SGMS2: variants seen among roughly 807,000 people sequenced by gnomAD.
The protein encoded by SGMS2 is phosphatidylcholine:ceramide cholinephosphotransferase 2.
A neutral mutation model predicts 43.8 loss-of-function variants in SGMS2; 21 were observed. That is an observed-to-expected ratio of 0.48 (90% CI 0.34 to 0.69). SGMS2 has a LOEUF of 0.69. Ranked by LOEUF, SGMS2 falls within the 30% of genes least tolerant of loss-of-function variation. SGMS2 has a pLI of 0.01. For missense variants in SGMS2, 384 were observed against 443.2 expected (o/e 0.87, Z 1.20); for synonymous variants, 167 against 160.6 (o/e 1.04, Z -0.30).
chr4:107,882,160 T>C (rs1335749683), intron 2 of SGMS2, among the ~76,000 whole-genome samples: 3 of 152,184 alleles, frequency 2.0e-5, no homozygotes, highest in Admixed American at 2.0e-4. Flanking sequence ...GGTAGTTCTA[T>C]TTTTAGTTTT....
At position 107,856,416 on chromosome 4, in the gene SGMS2, A is replaced by G. The variant is rs561107982; in HGVS notation, c.-326-2056A>G. 2.0e-5 allele frequency among the ~76,000 whole-genome samples: 3 copies of G among 152,312 alleles called. No individual in the cohort carries two copies. The East Asian group carries it at 5.8e-4, about 29-fold the overall frequency. On this transcript the variant is annotated intron_variant, in intron 1 of 6. Coordinates refer to ENST00000690982, the MANE Select transcript of SGMS2 (RefSeq NM_001375905.1). ...AAGGGCACACATTTTCAGCTTGACT[A>G]GATGAAAAGTGCTAGGTTTGGCTAC...
chr4:107,840,629 T>A (rs1447762834), intron 1 of SGMS2, among the ~76,000 whole-genome samples: 2 of 152,198 alleles, frequency 1.3e-5, no homozygotes, highest in Non-Finnish European at 1.5e-5. Flanking sequence ...ATCTTGCATT[T>A]AAAAATATTC....
At chr4:107,862,432 A>C (rs1727789528) in intron 2 of SGMS2, among the ~76,000 whole-genome samples, 1 of 152,232 alleles carries the variant, frequency 6.6e-6, no homozygotes, top group Admixed American at 6.5e-5. Flanking sequence ...AGATATGCGA[A>C]TATGTGAAAG....
intron 2 of SGMS2, among the ~76,000 whole-genome samples, chr4:107,870,262 G>A (rs192513428): frequency 1.3e-5 from 2 of 152,290 alleles, no homozygotes; most frequent in Admixed American, 1.3e-4. Flanking sequence ...AGTAAGAGAT[G>A]TCTGTGAAAA....
intron 1 of SGMS2, among the ~76,000 whole-genome samples, chr4:107,832,283 A>G (rs944835965): frequency 6.6e-6 from 1 of 152,236 alleles, no homozygotes; most frequent in Non-Finnish European, 1.5e-5. Context: ...TAAATTAGCT[A>G]GGGCTGAGAA....
rs762047509 is a variant in SGMS2 at position 107,895,632 on chromosome 4, C to G, written c.79C>G (p.Pro27Ala). Residue 27 changes from proline (P) to alanine (A), a missense_variant, in exon 3 of 7, where the codon CCC (proline) becomes GCC (alanine). Transcript: ENST00000690982. ...PSDPTNTYAR[P>A]AEPVEEENKN... Reference sequence around the variant, plus strand: ...TGATCCTACGAACACTTATGCAAGACCCGCTGAACCTGTTGAAGAAGAAAA... The same window carrying G: ...TGATCCTACGAACACTTATGCAAGAGCCGCTGAACCTGTTGAAGAAGAAAA... 2 of 1,613,862 alleles carry G rather than the reference C, an allele frequency of 1.2e-6. No homozygotes were observed. The highest frequency in any genetic ancestry group is 1.7e-6 in the Non-Finnish European group (2 of 1,179,952).
At chr4:107,828,989 G>T (rs1725744682) in intron 1 of SGMS2, among the ~76,000 whole-genome samples, 1 of 151,536 alleles carries the variant, frequency 6.6e-6, no homozygotes, top group Admixed American at 6.6e-5. Context: ...AAGTATAGCA[G>T]AATGGAGAGG....
Position 107,895,461 on chromosome 4 carries a change from T to C in SGMS2, c.-93T>C, listed in dbSNP as rs574040888. 154 of 1,288,580 alleles carry C rather than the reference T, an allele frequency of 1.2e-4. No individual in the cohort carries two copies. In the African/African-American group the frequency reaches 2.0e-3, roughly 17 times the overall value. 79.8% of individuals were successfully genotyped at this position (1,288,580 alleles called of 1,614,324 possible). A position where few individuals can be genotyped will look rare whatever the true frequency, so the allele number is the denominator to read the frequency against. ...ACAAAGTCCATTGTAAGAGTCCATG[T>C]TGATCTTGGAAATAGAAGGATTGAA... On this transcript the variant is annotated 5_prime_UTR_variant, in exon 3 of 7. Coordinates refer to ENST00000690982, the MANE Select transcript of SGMS2 (RefSeq NM_001375905.1).
intron 1 of SGMS2, among the ~76,000 whole-genome samples, chr4:107,839,237 G>A (rs935354268): frequency 6.6e-6 from 1 of 152,040 alleles, no homozygotes; most frequent in Non-Finnish European, 1.5e-5. Context: ...GCACACTTAA[G>A]TATCTTAGAG....
chr4:107,890,151 C>T (rs910014987), intron 2 of SGMS2, among the ~76,000 whole-genome samples: 3 of 152,120 alleles, frequency 2.0e-5, no homozygotes, highest in Non-Finnish European at 4.4e-5. Context: ...AATATAAAAG[C>T]AAGCAGTTTA....
At chr4:107,853,660 TAGTC>T (rs1200700464) in intron 1 of SGMS2, among the ~76,000 whole-genome samples, 1 of 152,188 alleles carries the variant, frequency 6.6e-6, no homozygotes, top group African/African-American at 2.4e-5. Context: ...AAATGGGAGT[TAGTC>T]AGTGAACAAA....
intron 1 of SGMS2, among the ~76,000 whole-genome samples, chr4:107,844,859 AT>A (rs1726724196): frequency 6.6e-6 from 1 of 152,186 alleles, no homozygotes; most frequent in Non-Finnish European, 1.5e-5. Context: ...ATACAGATTA[AT>A]TTTCTTTCAG....
intron 2 of SGMS2, chr4:107,873,968 A>C (rs1728728672): frequency 6.6e-6 from 1 of 152,170 alleles, no homozygotes; most frequent in Non-Finnish European, 1.5e-5. Flanking sequence ...GCTTTATTGC[A>C]GAAACTCTTA....
At chr4:107,903,848 C>T (rs1731333845) in intron 5 of SGMS2, among the ~76,000 whole-genome samples, 1 of 152,176 alleles carries the variant, frequency 6.6e-6, no homozygotes, top group East Asian at 1.9e-4. Context: ...CTTTTTAAAA[C>T]ATTTCCAAGT....
intron 1 of SGMS2, among the ~76,000 whole-genome samples, chr4:107,847,173 C>CT (rs550419017): frequency 6.6e-6 from 1 of 151,756 alleles, no homozygotes; most frequent in East Asian, 1.9e-4. Context: ...GTGTTTTAGA[C>CT]ATGAAGTCCT....
intron 1 of SGMS2, among the ~76,000 whole-genome samples, chr4:107,856,714 A>G (rs1195961654): frequency 6.6e-6 from 1 of 152,196 alleles, no homozygotes; most frequent in African/African-American, 2.4e-5. Flanking sequence ...AGTGTACAGT[A>G]TCTGAAGTGT....
intron 2 of SGMS2, among the ~76,000 whole-genome samples, chr4:107,884,668 A>G (rs1432894422): frequency 6.6e-6 from 1 of 152,134 alleles, no homozygotes; most frequent in Non-Finnish European, 1.5e-5. Flanking sequence ...CTAATCAGAA[A>G]CCCAAAAGAA....
intron 5 of SGMS2, among the ~76,000 whole-genome samples, chr4:107,906,060 GTC>G (rs1157507736): frequency 1.3e-5 from 2 of 152,122 alleles, no homozygotes; most frequent in African/African-American, 4.8e-5. Flanking sequence ...CCATGTTTGT[GTC>G]TGTTTTTTTC....
intron 1 of SGMS2, among the ~76,000 whole-genome samples, chr4:107,858,097 A>C (rs542398380): frequency 2.1e-4 from 32 of 151,366 alleles, no homozygotes; most frequent in Non-Finnish European, 2.2e-4. Context: ...CGACCACATC[A>C]GCCTTGCCCT....
Sources: allele counts gnomAD v4.1 joint callset (sites outside exome capture counted in the v4.1 genomes callset), GRCh38; gene constraint gnomAD v4.1.1; transcripts MANE v1.5; gene names NCBI Gene and HGNC (gene_info 2026-07-23, HGNC 2026-07-21).